DIAPH1: variants seen among roughly 807,000 people sequenced by gnomAD.
DIAPH1 encodes protein diaphanous homolog 1.
In DIAPH1, 46 loss-of-function variants were observed where a neutral mutation model predicts 140.7. That is an observed-to-expected ratio of 0.33 (90% CI 0.26 to 0.42). The LOEUF is 0.42. DIAPH1 is among the 10% of genes least tolerant of loss of function. DIAPH1 has a pLI of 1.00. For synonymous variants in DIAPH1, 565 were observed against 551.6 expected, an observed-to-expected ratio of 1.02 and a Z score of -0.34; for missense variants, 1,310 against 1,558.7, an observed-to-expected ratio of 0.84 and a Z score of 2.69.
chr5:141,540,867 C>T (rs1169492816), intron 18 of DIAPH1, among the ~76,000 whole-genome samples: 1 of 151,772 alleles, frequency 6.6e-6, no homozygotes, highest in East Asian at 2.0e-4. Context: ...CGAGACCACC[C>T]TGGGCAACAA....
At chr5:141,545,056 G>A (rs551394418) in intron 18 of DIAPH1, among the ~76,000 whole-genome samples, 1 of 152,270 alleles carries the variant, frequency 6.6e-6, no homozygotes, top group South Asian at 2.1e-4. Flanking sequence ...AAAGAATCCA[G>A]ACTGAAAAGG....
intron 1 of DIAPH1, among the ~76,000 whole-genome samples, chr5:141,605,149 A>G (rs1202307476): frequency 6.6e-6 from 1 of 152,212 alleles, no homozygotes; most frequent in African/African-American, 2.4e-5. Context: ...CTTTTTATAT[A>G]CATTTGTATT....
chr5:141,585,418 A>G (rs1481051606), intron 3 of DIAPH1, among the ~76,000 whole-genome samples: 2 of 152,208 alleles, frequency 1.3e-5, no homozygotes, highest in Non-Finnish European at 2.9e-5. Context: ...AACAGCACCA[A>G]AGGATTCATC....
At chr5:141,613,486 A>T (rs1409560480) in intron 1 of DIAPH1, among the ~76,000 whole-genome samples, 1 of 152,026 alleles carries the variant, frequency 6.6e-6, no homozygotes, top group Non-Finnish European at 1.5e-5. Flanking sequence ...TCCAATTTCC[A>T]CCTCTTAGCC....
intron 18 of DIAPH1, among the ~76,000 whole-genome samples, chr5:141,559,069 CT>C (rs1272127232): frequency 6.6e-6 from 1 of 152,162 alleles, no homozygotes; most frequent in Non-Finnish European, 1.5e-5. Context: ...GGTAACATAG[CT>C]ATGGAATTGC....
intron 8 of DIAPH1, 32 bp from the exon 9 acceptor site, chr5:141,579,228 T>C (rs376430702): frequency 3.0e-5 from 46 of 1,549,268 alleles, no homozygotes; most frequent in Non-Finnish European, 3.9e-5. Flanking sequence ...GAGAGAACTT[T>C]CCAGGTACTG....
intron 18 of DIAPH1, among the ~76,000 whole-genome samples, chr5:141,544,464 C>T (rs924737983): frequency 2.0e-5 from 3 of 152,008 alleles, no homozygotes; most frequent in African/African-American, 7.3e-5. Flanking sequence ...ATCTGCAAAA[C>T]ACTTATCCGA....
intron 19 of DIAPH1, among the ~76,000 whole-genome samples, chr5:141,533,121 GTT>G (rs1016721511): frequency 2.6e-5 from 4 of 152,146 alleles, no homozygotes; most frequent in African/African-American, 9.7e-5. Flanking sequence ...TTAAACTTTG[GTT>G]TTCTCATTTG....
At chr5:141,610,911 T>TA (rs113661770) in intron 1 of DIAPH1, among the ~76,000 whole-genome samples, 1,877 of 127,616 alleles carry the variant, frequency 0.015, 41 homozygotes, top group African/African-American at 0.047. Flanking sequence ...CCCACCACTA[T>TA]AAAAAAAAAA....
At chr5:141,582,979 G>A (rs1383254692) in intron 6 of DIAPH1, among the ~76,000 whole-genome samples, 1 of 152,116 alleles carries the variant, frequency 6.6e-6, no homozygotes, top group African/African-American at 2.4e-5. Flanking sequence ...ATATTCTGTG[G>A]TATGTATTGA....
chr5:141,553,418 T>C (rs1381815124), intron 18 of DIAPH1, among the ~76,000 whole-genome samples: 1 of 152,110 alleles, frequency 6.6e-6, no homozygotes, highest in Non-Finnish European at 1.5e-5. Context: ...GGCAGGTGGA[T>C]CACCTGAGGT....
intron 27 of DIAPH1, among the ~76,000 whole-genome samples, chr5:141,522,526 T>TA (rs2099886697): frequency 7.8e-6 from 1 of 127,978 alleles, no homozygotes; most frequent in Non-Finnish European, 1.6e-5. Flanking sequence ...GGAAGAGGCT[T>TA]AAAAGGGAAT....
At chr5:141,517,886 T>C (rs1281055813) in intron 27 of DIAPH1, among the ~76,000 whole-genome samples, 2 of 152,202 alleles carry the variant, frequency 1.3e-5, no homozygotes, top group Admixed American at 6.5e-5. Flanking sequence ...CTCATATTCA[T>C]TTATGGTATC....
At chr5:141,580,706 A>G (rs1358658773) in intron 8 of DIAPH1, 38 bp downstream of exon 8, 1 of 1,611,010 alleles carries the variant, frequency 6.2e-7, no homozygotes, top group South Asian at 1.1e-5. Context: ...AAATGATAAA[A>G]TTGAAAATGG....
chr5:141,581,113 T>C (rs1344514833), intron 7 of DIAPH1, among the ~76,000 whole-genome samples: 3 of 152,178 alleles, frequency 2.0e-5, no homozygotes, highest in Non-Finnish European at 4.4e-5. Flanking sequence ...TAATCCAATA[T>C]GACCAGTGTC....
At chr5:141,595,957 G>A (rs2099899250) in intron 1 of DIAPH1, among the ~76,000 whole-genome samples, 1 of 152,206 alleles carries the variant, frequency 6.6e-6, no homozygotes, top group Admixed American at 6.5e-5. Flanking sequence ...GCTGAGGCAG[G>A]TAGATGGCTT....
In DIAPH1 at chr5:141,519,024, A is replaced by G. The variant is rs1463015199; in HGVS notation, c.3662-2016T>C. 13 of 1,546,756 alleles carry G rather than the reference A, an allele frequency of 8.4e-6. No homozygotes were observed. In the East Asian group the frequency reaches 3.2e-4, roughly 38 times the overall value. On this transcript the variant is annotated intron_variant, in intron 27 of 27. Coordinates refer to ENST00000389054, the MANE Select transcript of DIAPH1 (RefSeq NM_005219.5). ...ACCAAGAGGAGAAAGAATAGTGAAGACCCTGACTGACAGCCACAGGACTTA... is the reference window on the plus strand; with the variant it reads ...ACCAAGAGGAGAAAGAATAGTGAAGGCCCTGACTGACAGCCACAGGACTTA...
At position 141,520,738 on chromosome 5, in the gene DIAPH1, C is replaced by A. The variant is rs187000011; in HGVS notation, c.3661+3405G>T. On this transcript the variant is annotated intron_variant, in intron 27 of 27. Coordinates refer to ENST00000389054, the MANE Select transcript of DIAPH1 (RefSeq NM_005219.5). Reference sequence around the variant, plus strand: ...ATGTCATTATGTCCGACTCTCCTTGCTGGAAGGTATGAAAGAATATTTCCG... The same window carrying A: ...ATGTCATTATGTCCGACTCTCCTTGATGGAAGGTATGAAAGAATATTTCCG... 7.5e-3 allele frequency among the ~76,000 whole-genome samples: 1,148 copies of A among 152,230 alleles called. 19 individuals are homozygous for A. Among genetic ancestry groups the A allele is most frequent in the African/African-American group, 0.026 (1,090 of 41,532 alleles).
At position 141,575,140 on chromosome 5, in the gene DIAPH1, A is replaced by G. The variant is rs2154596348; in HGVS notation, c.1468T>C (p.Ser490Pro). Reference protein sequence around the residue: ...KAAELEKKLDSELTARHELQV... With the variant: ...KAAELEKKLDPELTARHELQV... ...AGCTCATGTCGGGCTGTTAACTCTG[A>G]GTCCAACTAGAGAAAAAACGAATCA... The change falls in exon 15 of 28, where the codon TCA becomes CCA. Residue 490 changes from serine (S) to proline (P), a missense_variant. Around this residue, in one of 3 missense-constraint regions of DIAPH1, gnomAD observed 589 missense variants for 549.3 expected, o/e 1.07. Coordinates refer to ENST00000389054, the MANE Select transcript of DIAPH1 (RefSeq NM_005219.5). 6.2e-7 allele frequency: 1 copy of G among 1,614,118 alleles called. No individual in the cohort carries two copies. The highest frequency in any genetic ancestry group is 8.5e-7 in the Non-Finnish European group (1 of 1,180,018).
Sources: gnomAD v4.1 joint callset for allele counts (sites outside exome capture counted in the v4.1 genomes callset) on GRCh38, gnomAD v4.1.1 for gene constraint, gnomAD v4.1.1 regional missense constraint, MANE v1.5 for transcripts, NCBI Gene and HGNC (gene_info 2026-07-23, HGNC 2026-07-21) for gene names.